The following LRP1B variants were observed in gnomAD, a reference collection of about 807,000 sequenced individuals.
LRP1B encodes the protein LDL receptor related protein 1B, also known as low-density lipoprotein receptor-related protein 1B.
LRP1B carries 217 observed loss-of-function variants against 556.6 expected under a neutral mutation model. The observed-to-expected ratio is 0.39, with a 90% CI of 0.35 to 0.44. The LOEUF (loss-of-function observed/expected upper bound fraction) is 0.44. LRP1B is among the 20% of genes least tolerant of loss of function. LRP1B has a pLI of 1.00. For missense variants in LRP1B, 5,053 were observed against 5,620.8 expected (o/e 0.90, Z 3.23); for synonymous variants, 2,047 against 1,865.8 (o/e 1.10, Z -2.50).
Position 140,428,499 on chromosome 2 carries a change from C to T in LRP1B, c.10414+14005G>A, listed in dbSNP as rs573570784. ...AGCCGCTTCCCATCTGTGCGGGACCCCACTGAAAATCGGACTGTTCAACTC... is the reference window on the plus strand; with the variant it reads ...AGCCGCTTCCCATCTGTGCGGGACCTCACTGAAAATCGGACTGTTCAACTC... On this transcript the variant is annotated intron_variant, in intron 66 of 90. Transcript: ENST00000389484. 4.6e-5 allele frequency among the ~76,000 whole-genome samples: 7 copies of T among 152,310 alleles called. No individual in the cohort carries two copies. The East Asian group carries it at 1.2e-3, about 25-fold the overall frequency.
chr2:141,568,724 G>C (rs1686424140), intron 2 of LRP1B, among the ~76,000 whole-genome samples: 1 of 151,064 alleles, frequency 6.6e-6, no homozygotes, highest in African/African-American at 2.4e-5. Flanking sequence ...TGTTCATTTA[G>C]TCAGTCATCA....
intron 1 of LRP1B, among the ~76,000 whole-genome samples, chr2:142,013,179 C>T (rs10185217): frequency 0.34 from 52,384 of 151,922 alleles, 9,578 homozygotes; most frequent in Middle Eastern, 0.49. Context: ...AAATGGCGCT[C>T]ATAATCCTTA....
chr2:141,842,994 C>T (rs940741750), intron 1 of LRP1B, among the ~76,000 whole-genome samples: 2 of 151,946 alleles, frequency 1.3e-5, no homozygotes, highest in Admixed American at 6.6e-5. Flanking sequence ...CTGTGGCTTA[C>T]CAGCAACAAA....
At chr2:140,823,337 A>C in intron 31 of LRP1B, among the ~76,000 whole-genome samples, 1 of 152,310 alleles carries the variant, frequency 6.6e-6, no homozygotes, top group Non-Finnish European at 1.5e-5. Flanking sequence ...GGAATACTGT[A>C]GGCAGTTTGA....
intron 66 of LRP1B, among the ~76,000 whole-genome samples, chr2:140,397,548 G>A (rs985966344): frequency 1.3e-5 from 2 of 151,982 alleles, no homozygotes; most frequent in African/African-American, 2.4e-5. Flanking sequence ...TACAACACAG[G>A]GGCAAGCTCC....
intron 6 of LRP1B, among the ~76,000 whole-genome samples, chr2:141,220,780 A>G (rs867453223): frequency 2.0e-5 from 3 of 151,924 alleles, no homozygotes; most frequent in African/African-American, 7.2e-5. Flanking sequence ...AAAAAAAAAA[A>G]AAAAAAGAAT....
intron 35 of LRP1B, among the ~76,000 whole-genome samples, chr2:140,731,443 G>A (rs1334346782): frequency 6.6e-6 from 1 of 152,132 alleles, no homozygotes; most frequent in Non-Finnish European, 1.5e-5. Context: ...AGTAAAAGAA[G>A]AGTAAGATAA....
intron 35 of LRP1B, among the ~76,000 whole-genome samples, chr2:140,764,420 T>C (rs1413443159): frequency 6.6e-6 from 1 of 152,122 alleles, no homozygotes; most frequent in Admixed American, 6.6e-5. Flanking sequence ...TATGGCCCCT[T>C]GATCTCTTTG....
chr2:141,398,191 TAGAG>T (rs1416109934), intron 3 of LRP1B, among the ~76,000 whole-genome samples: 1 of 152,094 alleles, frequency 6.6e-6, no homozygotes, highest in Non-Finnish European at 1.5e-5. Flanking sequence ...AATGACTTCT[TAGAG>T]GGATAAAAAG....
At chr2:140,459,632 C>T (rs528753715) in intron 60 of LRP1B, among the ~76,000 whole-genome samples, 11 of 152,228 alleles carry the variant, frequency 7.2e-5, no homozygotes, top group Admixed American at 1.3e-4. Flanking sequence ...ACTAGGCCAG[C>T]GGGAGAGGCA....
intron 7 of LRP1B, among the ~76,000 whole-genome samples, chr2:141,125,379 A>T (rs1019758519): frequency 6.6e-6 from 1 of 152,234 alleles, no homozygotes; most frequent in African/African-American, 2.4e-5. Context: ...CAGTTACAGC[A>T]GTGAGCCCAT....
chr2:141,221,682 A>G (rs1406393920), intron 6 of LRP1B, among the ~76,000 whole-genome samples: 1 of 152,168 alleles, frequency 6.6e-6, no homozygotes, highest in Non-Finnish European at 1.5e-5. Context: ...TGGGAGTAAA[A>G]CACTCCTCAA....
At chr2:141,369,278 T>C (rs1353407551) in intron 3 of LRP1B, among the ~76,000 whole-genome samples, 1 of 152,068 alleles carries the variant, frequency 6.6e-6, no homozygotes, top group Non-Finnish European at 1.5e-5. Context: ...AGTGAGAAAA[T>C]TTGCTCTGAA....
At chr2:140,318,810 T>TA (rs1317365076) in intron 82 of LRP1B, among the ~76,000 whole-genome samples, 1 of 152,074 alleles carries the variant, frequency 6.6e-6, no homozygotes, top group African/African-American at 2.4e-5. Context: ...ATTTTATCTG[T>TA]AAAATAGGAG....
intron 22 of LRP1B, among the ~76,000 whole-genome samples, chr2:140,905,699 C>A (rs549543493): frequency 6.6e-6 from 1 of 152,160 alleles, no homozygotes; most frequent in South Asian, 2.1e-4. Flanking sequence ...CCCCTTAGTG[C>A]CTTTTCCTTA....
rs187570307 is a variant in LRP1B, at chr2:140,846,995, T to C, written c.4939+3107A>G. ...TTCAGCCTGTGGAGTAAGTCAGAAA[T>C]GGAATCATCCTTGACAATGCCTATT... On this transcript the variant is annotated intron_variant, in intron 29 of 90. Coordinates refer to ENST00000389484, the MANE Select transcript of LRP1B (RefSeq NM_018557.3). 1.6e-3 allele frequency among the ~76,000 whole-genome samples: 242 copies of C among 152,318 alleles called. 1 individual carries two copies. Among genetic ancestry groups the C allele is most frequent in the Non-Finnish European group, 2.9e-3 (196 of 68,016 alleles).
In LRP1B at chr2:141,049,100, G is replaced by A. The variant is rs1379294814; in HGVS notation, c.1675C>T (p.Arg559Cys). 5 of 1,613,498 alleles carry A rather than the reference G, an allele frequency of 3.1e-6. No individual in the cohort carries two copies. Among genetic ancestry groups the A allele is most frequent in the South Asian group, 1.1e-5 (1 of 91,068 alleles). Residue 559 changes from arginine to cysteine, a missense_variant, in exon 11 of 91, where the codon CGT becomes TGT. Coordinates refer to ENST00000389484, the MANE Select transcript of LRP1B (RefSeq NM_018557.3). ...GTTTCTGCGTGAAAGTCTAAAGCAC[G>A]AGGGTTTACCAGATTTTCTATGGGG... ...MIPIENLVNP[R>C]ALDFHAETNY...
At chr2:140,338,855 G>T (rs959304853) in intron 77 of LRP1B, among the ~76,000 whole-genome samples, 1 of 151,578 alleles carries the variant, frequency 6.6e-6, no homozygotes, top group African/African-American at 2.4e-5. Context: ...TTGGAGAGAA[G>T]AAAATATAAA....
intron 2 of LRP1B, among the ~76,000 whole-genome samples, chr2:141,701,155 A>G (rs989954253): frequency 4.6e-5 from 7 of 151,910 alleles, no homozygotes; most frequent in Middle Eastern, 3.2e-3. Flanking sequence ...TCTCACTAAA[A>G]TGGATCTGAA....
Sources: gnomAD v4.1 joint callset for allele counts (sites outside exome capture counted in the v4.1 genomes callset) on GRCh38, gnomAD v4.1.1 for gene constraint, MANE v1.5 for transcripts, NCBI Gene and HGNC (gene_info 2026-07-23, HGNC 2026-07-21) for gene names.